The following CHD9 variants were observed in gnomAD, a reference collection of about 807,000 sequenced individuals.
CHD9 encodes the protein ATP-dependent chromatin remodeler CHD9.
Under a neutral mutation model 316.1 loss-of-function variants are expected in CHD9, and 77 were observed. The observed-to-expected ratio is 0.24, with a 90% CI of 0.20 to 0.29. The LOEUF (loss-of-function observed/expected upper bound fraction) is 0.29. CHD9 is among the 10% of genes least tolerant of loss of function. The probability of loss-of-function intolerance (pLI) is 1.00; values close to 1 mark genes in which losing one functional copy is unlikely to be tolerated. For synonymous variants in CHD9, 1,129 were observed against 1,158.3 expected (o/e 0.97, Z 0.51); for missense variants, 2,763 against 3,438.1 (o/e 0.80, Z 4.91).
intron 29 of CHD9, 99 bp downstream of exon 29, chr16:53,293,151 CA>C: frequency 2.8e-6 from 3 of 1,074,062 alleles, no homozygotes; most frequent in Non-Finnish European, 4.1e-6. Context: ...GGAAAACATA[CA>C]TAGAATGTTG....
intron 2 of CHD9, among the ~76,000 whole-genome samples, chr16:53,163,686 G>A (rs910046617): frequency 6.6e-6 from 1 of 152,148 alleles, no homozygotes; most frequent in Non-Finnish European, 1.5e-5. Context: ...CCATTGTAAT[G>A]TTGCTAAAGT....
At chr16:53,246,913 A>G (rs1322060292) in intron 15 of CHD9, among the ~76,000 whole-genome samples, 4 of 152,240 alleles carry the variant, frequency 2.6e-5, no homozygotes, top group African/African-American at 9.6e-5. Flanking sequence ...AGTGATGACC[A>G]CTGTTATGAT....
intron 4 of CHD9, among the ~76,000 whole-genome samples, chr16:53,225,099 G>A (rs553390146): frequency 6.6e-6 from 1 of 152,134 alleles, no homozygotes; most frequent in East Asian, 1.9e-4. Context: ...CAAGAGAAAG[G>A]GGCAGAGGCA....
chr16:53,163,842 CAT>C (rs1454920910), intron 2 of CHD9, among the ~76,000 whole-genome samples: 1 of 152,112 alleles, frequency 6.6e-6, no homozygotes, highest in African/African-American at 2.4e-5. Flanking sequence ...ATAGGTAAGA[CAT>C]ATAGCATTTA....
At chr16:53,307,992 T>G in intron 33 of CHD9, 39 bp downstream of exon 33, 1 of 1,528,706 alleles carries the variant, frequency 6.5e-7, no homozygotes, top group Non-Finnish European at 8.8e-7. Flanking sequence ...TGATTGCGAT[T>G]GCGGTGTGCA....
At chr16:53,105,738 G>A (rs955115696) in intron 1 of CHD9, among the ~76,000 whole-genome samples, 1 of 152,012 alleles carries the variant, frequency 6.6e-6, no homozygotes, top group African/African-American at 2.4e-5. Context: ...CCTTTGATCT[G>A]GGAGTTGGTA....
chr16:53,225,457 C>T (rs554961226), intron 4 of CHD9, among the ~76,000 whole-genome samples: 39 of 152,186 alleles, frequency 2.6e-4, no homozygotes, highest in African/African-American at 8.9e-4. Flanking sequence ...TTATTGTAAA[C>T]ACCAAAAGAG....
At chr16:53,081,466 G>T (rs1462033803) in intron 1 of CHD9, among the ~76,000 whole-genome samples, 2 of 152,184 alleles carry the variant, frequency 1.3e-5, no homozygotes, top group Non-Finnish European at 2.9e-5. Context: ...GTATTGGGAA[G>T]GGCACTGGAA....
chr16:53,295,721 A>G (rs1183168133), intron 29 of CHD9, among the ~76,000 whole-genome samples: 18 of 152,168 alleles, frequency 1.2e-4, no homozygotes, highest in Non-Finnish European at 4.4e-5. Context: ...TAATTACATT[A>G]ATCTTCTTAA....
rs759035782 is a variant in CHD9, at chr16:53,157,172, C to T, written c.1083C>T (p.Phe361=). ...NSKLSPVHMN[F]PDPVDSGTQM... is the part of the protein sequence containing the mutation. ...AATTATCTCCTGTGCACATGAACTT[C>T]CCAGATCCTGTTGACTCAGGAACTC... is the stretch of plus-strand genomic sequence containing the variant. The change falls in exon 2 of 39, where the codon TTC becomes TTT. Residue 361 remains phenylalanine (F), a synonymous_variant. Coordinates refer to ENST00000447540, the MANE Select transcript of CHD9 (RefSeq NM_001308319.2). 5.6e-6 allele frequency: 9 copies of T among 1,608,936 alleles called. No individual in the cohort carries two copies. The African/African-American group carries it at 1.2e-4, about 21-fold the overall frequency.
chr16:53,118,074 G>A (rs1000714339), intron 1 of CHD9, among the ~76,000 whole-genome samples: 17 of 151,974 alleles, frequency 1.1e-4, no homozygotes, highest in African/African-American at 2.9e-4. Context: ...TGATCCACCC[G>A]CCTCGGCCTC....
At chr16:53,073,346 T>C (rs189938865) in intron 1 of CHD9, among the ~76,000 whole-genome samples, 2 of 152,346 alleles carry the variant, frequency 1.3e-5, no homozygotes, top group Admixed American at 1.3e-4. Context: ...TATTCCACTG[T>C]ATATGTTTAT....
At chr16:53,110,426 G>A (rs1308430857) in intron 1 of CHD9, among the ~76,000 whole-genome samples, 1 of 152,124 alleles carries the variant, frequency 6.6e-6, no homozygotes, top group Admixed American at 6.6e-5. Context: ...GTGAGACTCT[G>A]TCTCTATTAA....
intron 2 of CHD9, among the ~76,000 whole-genome samples, chr16:53,173,347 C>T (rs2042898618): frequency 6.6e-6 from 1 of 152,108 alleles, no homozygotes; most frequent in South Asian, 2.1e-4. Context: ...ACATTTCCAG[C>T]CTTTGAGTAT....
chr16:53,141,578 G>A (rs1010770934), intron 1 of CHD9, among the ~76,000 whole-genome samples: 2 of 152,132 alleles, frequency 1.3e-5, no homozygotes, highest in Non-Finnish European at 2.9e-5. Flanking sequence ...AATAATGTAA[G>A]GATTGAGGAG....
At chr16:53,267,521 G>A in intron 21 of CHD9, 31 bp downstream of exon 21, 3 of 1,461,314 alleles carry the variant, frequency 2.1e-6, no homozygotes, top group Non-Finnish European at 2.8e-6. Context: ...TTTGCTCTAA[G>A]TAGTCTGGTA....
chr16:53,135,302 G>T (rs1342862759), intron 1 of CHD9, among the ~76,000 whole-genome samples: 1 of 152,190 alleles, frequency 6.6e-6, no homozygotes, highest in Non-Finnish European at 1.5e-5. Context: ...AGACATTGCA[G>T]TCGTTGAAGA....
chr16:53,319,400 AC>A (rs2057112250), intron 37 of CHD9, among the ~76,000 whole-genome samples: 1 of 152,242 alleles, frequency 6.6e-6, no homozygotes, highest in African/African-American at 2.4e-5. Context: ...TTTTAAAATA[AC>A]AGTTGTTTTA....
At chr16:53,284,521 A>G (rs73600059) in intron 24 of CHD9, among the ~76,000 whole-genome samples, 3,275 of 152,236 alleles carry the variant, frequency 0.022, 47 homozygotes, top group South Asian at 0.059. Context: ...TATACATGAC[A>G]TGTTTTTAGA....
Sources: allele counts gnomAD v4.1 joint callset (sites outside exome capture counted in the v4.1 genomes callset), GRCh38; gene constraint gnomAD v4.1.1; transcripts MANE v1.5; gene names NCBI Gene and HGNC (gene_info 2026-07-23, HGNC 2026-07-21).